Variants in CACNA2D3 observed in about 807,000 individuals in gnomAD.
The protein encoded by CACNA2D3 is calcium voltage-gated channel auxiliary subunit alpha2delta 3, also known as voltage-dependent calcium channel subunit alpha-2/delta-3.
Under a neutral mutation model 160.6 loss-of-function variants are expected in CACNA2D3, and 60 were observed. The ratio of observed to expected loss-of-function variants is 0.37; its 90% CI spans 0.30 to 0.46. The LOEUF is 0.46. CACNA2D3 is among the 20% of genes least tolerant of loss of function. The pLI is 1.00. For synonymous variants in CACNA2D3, 558 were observed against 492.9 expected (o/e 1.13, Z -1.75); for missense variants, 1,205 against 1,365.0 (o/e 0.88, Z 1.85).
chr3:54,928,403 C>G (rs1701090317), intron 27 of CACNA2D3, among the ~76,000 whole-genome samples: 1 of 152,166 alleles, frequency 6.6e-6, no homozygotes, highest in Non-Finnish European at 1.5e-5. Context: ...CGGGTCACCC[C>G]TCTTTGGGTT....
rs1270558334 is a variant in CACNA2D3 at position 54,885,480 on chromosome 3, T to C, written c.1959-9T>C. The C allele has an allele frequency of 7.4e-6, 12 of 1,612,238 alleles. No homozygotes were observed. Among genetic ancestry groups the C allele is most frequent in the Non-Finnish European group, 1.0e-5 (12 of 1,178,452 alleles). On this transcript the variant is annotated splice_polypyrimidine_tract_variant and intron_variant, in intron 22 of 37. Transcript: ENST00000474759. ...CATGCTCTTGTTTTGGGCCATGTCATGTTCTTAGGTCCTACTGCAACACTG... is the reference window on the plus strand; with the variant it reads ...CATGCTCTTGTTTTGGGCCATGTCACGTTCTTAGGTCCTACTGCAACACTG...
At chr3:54,712,048 T>C (rs1700962661) in intron 11 of CACNA2D3, among the ~76,000 whole-genome samples, 1 of 152,214 alleles carries the variant, frequency 6.6e-6, no homozygotes, top group Non-Finnish European at 1.5e-5. Flanking sequence ...AAGAGGGCTC[T>C]AGACAGCCTG....
At chr3:54,997,470 G>A (rs1257658352) in intron 31 of CACNA2D3, among the ~76,000 whole-genome samples, 1 of 152,134 alleles carries the variant, frequency 6.6e-6, no homozygotes, top group African/African-American at 2.4e-5. Context: ...GGGAGGCCTA[G>A]GTGGGGGAAG....
intron 5 of CACNA2D3, among the ~76,000 whole-genome samples, chr3:54,515,935 TC>T (rs552315743): frequency 5.7e-4 from 87 of 152,338 alleles, no homozygotes; most frequent in African/African-American, 2.1e-3. Context: ...AAGCACCTGT[TC>T]CTGGGCCTCA....
chr3:54,841,917 A>C (rs1698827797), intron 16 of CACNA2D3, among the ~76,000 whole-genome samples: 1 of 152,162 alleles, frequency 6.6e-6, no homozygotes, highest in African/African-American at 2.4e-5. Flanking sequence ...CCCCTTTGGC[A>C]AGCCCAAGTG....
At position 54,952,829 on chromosome 3, in the gene CACNA2D3, G is replaced by A. The variant is rs77217725; in HGVS notation, c.2450-15621G>A. Among the ~76,000 whole-genome samples the A allele has an allele frequency of 1.2e-4, 19 of 152,202 alleles. No individual in the cohort carries two copies. The East Asian group carries it at 3.1e-3, about 25-fold the overall frequency. ...CAATATCTATCTATGAGGATTCCAC[G>A]TGCTCTTTGGATGTTTTACAAATTC... is the stretch of plus-strand genomic sequence containing the variant. On this transcript the variant is annotated intron_variant, in intron 27 of 37. Transcript: ENST00000474759.
At chr3:54,813,521 T>C (rs1242572739) in intron 13 of CACNA2D3, among the ~76,000 whole-genome samples, 1 of 152,160 alleles carries the variant, frequency 6.6e-6, no homozygotes, top group Non-Finnish European at 1.5e-5. Flanking sequence ...TTGAAGGCCA[T>C]CAGCTTGGGT....
At chr3:54,697,602 G>A (rs1373907228) in intron 11 of CACNA2D3, among the ~76,000 whole-genome samples, 2 of 152,002 alleles carry the variant, frequency 1.3e-5, no homozygotes, top group East Asian at 1.9e-4. Flanking sequence ...TTTCCCTCTG[G>A]CTGCAAGGTG....
chr3:54,999,931 GT>G, intron 31 of CACNA2D3, among the ~76,000 whole-genome samples: 1 of 152,308 alleles, frequency 6.6e-6, no homozygotes, highest in Middle Eastern at 3.4e-3. Flanking sequence ...ATTGCTTTGA[GT>G]TGTTTCTTCA....
intron 12 of CACNA2D3, among the ~76,000 whole-genome samples, chr3:54,754,786 A>C (rs999196120): frequency 6.6e-6 from 1 of 152,168 alleles, no homozygotes; most frequent in Non-Finnish European, 1.5e-5. Flanking sequence ...GGACTCAGTG[A>C]AGGGTTTGTG....
intron 2 of CACNA2D3, among the ~76,000 whole-genome samples, chr3:54,259,945 T>C (rs1702373042): frequency 6.6e-6 from 1 of 152,202 alleles, no homozygotes; most frequent in Non-Finnish European, 1.5e-5. Flanking sequence ...CCTTAATGTA[T>C]GGGCAGGGGA....
chr3:54,699,878 G>A (rs185625266), intron 11 of CACNA2D3, among the ~76,000 whole-genome samples: 7 of 152,226 alleles, frequency 4.6e-5, no homozygotes, highest in African/African-American at 1.2e-4. Flanking sequence ...GGTGCTTACT[G>A]GACAGTTTAT....
intron 12 of CACNA2D3, among the ~76,000 whole-genome samples, chr3:54,763,848 CATATAT>C (rs1187681704): frequency 3.1e-5 from 1 of 32,778 alleles, no homozygotes; most frequent in East Asian, 5.8e-4. Context: ...TATATATGTA[CATATAT>C]ATACATATAT....
chr3:54,964,606 G>A (rs1016898499), intron 27 of CACNA2D3, among the ~76,000 whole-genome samples: 3 of 152,164 alleles, frequency 2.0e-5, no homozygotes, highest in South Asian at 2.1e-4. Flanking sequence ...TGAAGGGAGA[G>A]AGTGGGACTC....
intron 5 of CACNA2D3, among the ~76,000 whole-genome samples, chr3:54,516,233 G>A (rs1314571547): frequency 2.0e-5 from 3 of 152,192 alleles, no homozygotes; most frequent in African/African-American, 7.2e-5. Context: ...TCACACCTCA[G>A]ATAGGTGAGT....
intron 17 of CACNA2D3, among the ~76,000 whole-genome samples, chr3:54,858,898 A>T (rs1157365621): frequency 2.0e-5 from 3 of 152,164 alleles, no homozygotes; most frequent in Non-Finnish European, 4.4e-5. Context: ...TTTTAGAAAG[A>T]CCTTCCATCT....
chr3:54,352,037 T>C (rs1346831917), intron 3 of CACNA2D3, among the ~76,000 whole-genome samples: 2 of 152,244 alleles, frequency 1.3e-5, no homozygotes, highest in African/African-American at 4.8e-5. Flanking sequence ...TGACCTGTAC[T>C]GCATGGATAC....
At chr3:54,699,751 A>G (rs898423186) in intron 11 of CACNA2D3, among the ~76,000 whole-genome samples, 3 of 152,150 alleles carry the variant, frequency 2.0e-5, no homozygotes, top group Admixed American at 6.5e-5. Flanking sequence ...TAAAATGAGG[A>G]TAGTAATATT....
rs77639258 is a variant in CACNA2D3, at chr3:54,819,268, G to A, written c.1398+2398G>A. On this transcript the variant is annotated intron_variant, in intron 14 of 37. Transcript: ENST00000474759. ...GCCTACATGTTTTTATTTACTTAAGGAGAATGATAAACTAACTTTCCACTT... is the reference window on the plus strand; with the variant it reads ...GCCTACATGTTTTTATTTACTTAAGAAGAATGATAAACTAACTTTCCACTT... Among the ~76,000 whole-genome samples the A allele has an allele frequency of 3.8e-3, 580 of 152,244 alleles. 4 individuals are homozygous for A. The highest frequency in any genetic ancestry group is 0.012 in the African/African-American group (512 of 41,534).
Sources: allele counts gnomAD v4.1 joint callset (sites outside exome capture counted in the v4.1 genomes callset), GRCh38; gene constraint gnomAD v4.1.1; transcripts MANE v1.5; gene names NCBI Gene and HGNC (gene_info 2026-07-23, HGNC 2026-07-21).